The following SH3PXD2A variants were observed in gnomAD, a reference collection of about 807,000 sequenced individuals.
The protein encoded by SH3PXD2A is SH3 and PX domain-containing protein 2A.
A neutral mutation model predicts 115.2 loss-of-function variants in SH3PXD2A; 32 were observed. That is an observed-to-expected ratio of 0.28 (90% CI 0.21 to 0.37). The LOEUF (loss-of-function observed/expected upper bound fraction) is 0.37, where lower values mean the gene tolerates loss of function less well. Among genes scored for constraint, SH3PXD2A ranks in the 10% least tolerant of loss-of-function variants. The probability of loss-of-function intolerance (pLI) is 1.00; values close to 1 mark genes in which losing one functional copy is unlikely to be tolerated. For synonymous variants in SH3PXD2A, 610 were observed against 629.1 expected (o/e 0.97, Z 0.45); for missense variants, 1,328 against 1,498.7 (o/e 0.89, Z 1.88).
chr10:103,684,317 C>T (rs1253573580), intron 6 of SH3PXD2A, among the ~76,000 whole-genome samples: 3 of 152,118 alleles, frequency 2.0e-5, no homozygotes, highest in Admixed American at 1.3e-4. Flanking sequence ...TTAAAAGCTT[C>T]CTCTATAAAA....
chr10:103,672,622 G>A (rs141455092), intron 6 of SH3PXD2A, among the ~76,000 whole-genome samples: 3 of 152,320 alleles, frequency 2.0e-5, no homozygotes, highest in Non-Finnish European at 4.4e-5. Flanking sequence ...CACTTAGCTC[G>A]CTGACTCTGG....
At chr10:103,709,877 G>A (rs2038026759) in intron 5 of SH3PXD2A, among the ~76,000 whole-genome samples, 1 of 152,210 alleles carries the variant, frequency 6.6e-6, no homozygotes, top group East Asian at 1.9e-4. Flanking sequence ...AAGCCAAGGT[G>A]GGTGGATCAC....
At chr10:103,636,726 C>T (rs542889328) in intron 8 of SH3PXD2A, among the ~76,000 whole-genome samples, 3 of 152,234 alleles carry the variant, frequency 2.0e-5, no homozygotes, top group South Asian at 4.1e-4. Flanking sequence ...GGTCACAGCT[C>T]AGCCTAGGAC....
intron 2 of SH3PXD2A, among the ~76,000 whole-genome samples, chr10:103,792,623 C>A (rs2039046286): frequency 6.6e-6 from 1 of 152,192 alleles, no homozygotes; most frequent in Non-Finnish European, 1.5e-5. Flanking sequence ...GAGGTTAAAT[C>A]ACTCATCAAA....
At chr10:103,606,670 T>G (rs921298997) in intron 13 of SH3PXD2A, among the ~76,000 whole-genome samples, 12 of 152,166 alleles carry the variant, frequency 7.9e-5, no homozygotes, top group Non-Finnish European at 1.6e-4. Context: ...GGTTTTCGTG[T>G]TTTTTTGGTG....
intron 8 of SH3PXD2A, among the ~76,000 whole-genome samples, chr10:103,641,024 G>T (rs1378105840): frequency 2.0e-5 from 3 of 152,156 alleles, no homozygotes; most frequent in Middle Eastern, 3.2e-3. Flanking sequence ...ATCAACCCAG[G>T]ATGAGGACAG....
In SH3PXD2A at chr10:103,665,833, T is replaced by C. The variant is rs1278964717; in HGVS notation, c.472+2775A>G. 6.6e-6 allele frequency among the ~76,000 whole-genome samples: 1 copy of C among 152,050 alleles called. No homozygotes were observed. The highest frequency in any genetic ancestry group is 1.5e-5 in the Non-Finnish European group (1 of 67,976). On this transcript the variant is annotated intron_variant, in intron 7 of 14. Coordinates refer to ENST00000369774, the MANE Select transcript of SH3PXD2A (RefSeq NM_001394015.1). This position sits in a 1 kb window ranked among gnomAD's most constrained non-coding sequence, Gnocchi z 4.0. ...CTGGTGTCTTTAGATGAGGAGTGCT[T>C]GGCAGGAGCATGGAGAAGGGGTGTA...
chr10:103,685,337 C>CAAAAA (rs775424414), intron 6 of SH3PXD2A, among the ~76,000 whole-genome samples: 2 of 56,376 alleles, frequency 3.5e-5, no homozygotes, highest in Non-Finnish European at 6.6e-5. Context: ...AACTCTGTCT[C>CAAAAA]AAAAAAAAAA....
At chr10:103,740,596 T>G (rs1201087585) in intron 3 of SH3PXD2A, among the ~76,000 whole-genome samples, 1 of 152,182 alleles carries the variant, frequency 6.6e-6, no homozygotes. Context: ...AGGACCCATT[T>G]GTAGAGGTAA....
At chr10:103,839,000 A>G (rs929524031) in intron 1 of SH3PXD2A, among the ~76,000 whole-genome samples, 10 of 152,158 alleles carry the variant, frequency 6.6e-5, no homozygotes, top group Non-Finnish European at 1.5e-4. Flanking sequence ...GAACATCAAC[A>G]TACATACAGA....
At chr10:103,789,011 G>A (rs1309401666) in intron 2 of SH3PXD2A, among the ~76,000 whole-genome samples, 1 of 152,194 alleles carries the variant, frequency 6.6e-6, no homozygotes, top group African/African-American at 2.4e-5. Context: ...CACATCTCCC[G>A]GTCACCACAC....
intron 6 of SH3PXD2A, among the ~76,000 whole-genome samples, chr10:103,682,292 A>C (rs567357010): frequency 3.5e-4 from 54 of 152,356 alleles, no homozygotes; most frequent in South Asian, 1.5e-3. Flanking sequence ...AGCGTGGCGC[A>C]GACACACACG....
At chr10:103,688,946 A>C (rs2037713921) in intron 6 of SH3PXD2A, among the ~76,000 whole-genome samples, 1 of 152,084 alleles carries the variant, frequency 6.6e-6, no homozygotes, top group Non-Finnish European at 1.5e-5. Context: ...GCCTCACTGC[A>C]ACCTCAAACT....
chr10:103,762,845 A>C (rs542707713), intron 3 of SH3PXD2A, among the ~76,000 whole-genome samples: 9 of 152,196 alleles, frequency 5.9e-5, no homozygotes, highest in South Asian at 2.1e-4. Flanking sequence ...GGTCAGCAGT[A>C]TACTGGCTCC....
intron 8 of SH3PXD2A, among the ~76,000 whole-genome samples, chr10:103,648,487 G>A (rs764379716): frequency 6.6e-6 from 1 of 152,170 alleles, no homozygotes; most frequent in African/African-American, 2.4e-5. Context: ...CTGGCAGGGC[G>A]GCCCTGGAAC....
chr10:103,804,483 G>A (rs1288639835), intron 1 of SH3PXD2A, among the ~76,000 whole-genome samples: 2 of 151,686 alleles, frequency 1.3e-5, no homozygotes, highest in South Asian at 2.1e-4. Context: ...CACCACGCCC[G>A]GCTAATTTTT....
At chr10:103,711,552 G>A (rs1589424405) in intron 5 of SH3PXD2A, among the ~76,000 whole-genome samples, 1 of 152,198 alleles carries the variant, frequency 6.6e-6, no homozygotes, top group East Asian at 1.9e-4. Context: ...TGCACCGGGA[G>A]GGCCAGGCAG....
At chr10:103,790,033 G>T (rs922138819) in intron 2 of SH3PXD2A, among the ~76,000 whole-genome samples, 1 of 152,194 alleles carries the variant, frequency 6.6e-6, no homozygotes. Context: ...GAAGTCTTCA[G>T]CTCTTTGCAA....
chr10:103,603,385 A>T lies in SH3PXD2A; in HGVS notation c.1833T>A (p.Asp611Glu). Residue 611 changes from aspartate to glutamate, a missense_variant, in exon 15 of 15, where the codon GAT (aspartate) becomes GAA (glutamate). Around this residue, in one of 5 missense-constraint regions of SH3PXD2A, gnomAD observed 509 missense variants for 628.3 expected, o/e 0.81. Transcript: ENST00000369774. ...ARFKVGESSE[D>E]VALEEETIYE... ...AGATGGTCTCCTCTTCCAGGGCCAC[A>T]TCCTCTGAAGACTCACCCACCTTGA... 6.2e-7 allele frequency: 1 copy of T among 1,614,156 alleles called. No homozygotes were observed. The highest frequency in any genetic ancestry group is 8.5e-7 in the Non-Finnish European group (1 of 1,180,004).
Sources: gnomAD v4.1 joint callset for allele counts (sites outside exome capture counted in the v4.1 genomes callset) on GRCh38, gnomAD v4.1.1 for gene constraint, gnomAD v4.1.1 regional missense constraint, Gnocchi (gnomAD v3.1) non-coding constraint, MANE v1.5 for transcripts, NCBI Gene and HGNC (gene_info 2026-07-23, HGNC 2026-07-21) for gene names.